Variants in OPCML observed in about 807,000 individuals in gnomAD.
The protein encoded by OPCML is opioid binding protein/cell adhesion molecule like.
Under a neutral mutation model 37.8 loss-of-function variants are expected in OPCML, and 13 were observed. The ratio of observed to expected loss-of-function variants is 0.34; its 90% CI spans 0.22 to 0.55. The LOEUF (loss-of-function observed/expected upper bound fraction) is 0.55. Ranked by LOEUF, OPCML falls within the 20% of genes least tolerant of loss-of-function variation. The pLI is 0.91. For synonymous variants in OPCML, 176 were observed against 168.8 expected (o/e 1.04, Z -0.33); for missense variants, 341 against 435.6 (o/e 0.78, Z 1.93).
intron 2 of OPCML, among the ~76,000 whole-genome samples, chr11:132,681,909 C>T (rs887586932): frequency 6.6e-6 from 1 of 151,580 alleles, no homozygotes; most frequent in African/African-American, 2.4e-5. Context: ...GAGCCGAGAT[C>T]GCGCCACTGC....
intron 1 of OPCML, among the ~76,000 whole-genome samples, chr11:133,386,086 T>C (rs1266253221): frequency 2.0e-5 from 3 of 152,054 alleles, no homozygotes; most frequent in African/African-American, 7.2e-5. Context: ...TGAGCTGAAG[T>C]GTGAGAATGG....
At chr11:132,542,829 A>C (rs540270645) in intron 3 of OPCML, among the ~76,000 whole-genome samples, 2 of 152,206 alleles carry the variant, frequency 1.3e-5, no homozygotes, top group East Asian at 3.9e-4. Flanking sequence ...CCTGCCTGTG[A>C]CTGAACACCC....
chr11:133,507,225 G>A (rs566277517), intron 1 of OPCML, among the ~76,000 whole-genome samples: 1 of 152,340 alleles, frequency 6.6e-6, no homozygotes, highest in African/African-American at 2.4e-5. Context: ...ACTGGACTGA[G>A]AAGACACAGC....
At chr11:132,968,976 A>AT (rs1946278128) in intron 1 of OPCML, among the ~76,000 whole-genome samples, 2 of 151,874 alleles carry the variant, frequency 1.3e-5, no homozygotes, top group Admixed American at 6.6e-5. Flanking sequence ...TTTCACCTTC[A>AT]TTTTTTTAAA....
At chr11:132,852,129 TG>T (rs1315905395) in intron 2 of OPCML, among the ~76,000 whole-genome samples, 1 of 152,164 alleles carries the variant, frequency 6.6e-6, no homozygotes, top group Non-Finnish European at 1.5e-5. Flanking sequence ...AAACAGACCT[TG>T]TTAAAATAAT....
chr11:133,506,809 T>A (rs1052770223), intron 1 of OPCML, among the ~76,000 whole-genome samples: 1 of 152,156 alleles, frequency 6.6e-6, no homozygotes, highest in African/African-American at 2.4e-5. Flanking sequence ...CCATGTGCTG[T>A]CCTGGGGCAG....
At chr11:133,025,682 A>G (rs572862394) in intron 1 of OPCML, among the ~76,000 whole-genome samples, 200 of 148,370 alleles carry the variant, frequency 1.3e-3, no homozygotes, top group African/African-American at 4.7e-3. Flanking sequence ...CAGGCTCCTG[A>G]GTAGTTGAGA....
At chr11:132,590,021 G>A (rs993001130) in intron 3 of OPCML, among the ~76,000 whole-genome samples, 1 of 152,134 alleles carries the variant, frequency 6.6e-6, no homozygotes, top group Non-Finnish European at 1.5e-5. Flanking sequence ...TGACCTAAGT[G>A]AGATTGGTGT....
intron 1 of OPCML, among the ~76,000 whole-genome samples, chr11:132,960,785 C>T (rs910672053): frequency 2.0e-5 from 3 of 152,304 alleles, no homozygotes; most frequent in East Asian, 1.9e-4. Flanking sequence ...ACTGTTTTAC[C>T]GACAATTCCC....
chr11:133,447,904 G>A (rs754168157), intron 1 of OPCML, among the ~76,000 whole-genome samples: 1 of 152,134 alleles, frequency 6.6e-6, no homozygotes, highest in Non-Finnish European at 1.5e-5. Flanking sequence ...TCTTATTGTT[G>A]AGTTATAAGT....
At chr11:132,650,514 C>T (rs1941376555) in intron 3 of OPCML, among the ~76,000 whole-genome samples, 1 of 152,100 alleles carries the variant, frequency 6.6e-6, no homozygotes, top group Non-Finnish European at 1.5e-5. Flanking sequence ...GCTTTATCTG[C>T]ACTAATATAC....
chr11:132,440,952 A>G (rs768256698), intron 4 of OPCML, among the ~76,000 whole-genome samples: 2 of 152,056 alleles, frequency 1.3e-5, no homozygotes, highest in East Asian at 3.9e-4. Context: ...AAGGCAATCA[A>G]TGTTTTAATC....
intron 1 of OPCML, among the ~76,000 whole-genome samples, chr11:133,317,168 G>T (rs1943223707): frequency 6.6e-6 from 1 of 152,214 alleles, no homozygotes; most frequent in Non-Finnish European, 1.5e-5. Flanking sequence ...CTGCACTCCA[G>T]CCTGGGTGAC....
chr11:132,429,506 T>C (rs1221657505), intron 7 of OPCML, among the ~76,000 whole-genome samples: 35 of 152,006 alleles, frequency 2.3e-4, no homozygotes, highest in Non-Finnish European at 1.6e-4. Flanking sequence ...TGACCAGAGA[T>C]TCTAGAGAGT....
chr11:132,668,090 G>C (rs1565760508), intron 2 of OPCML, among the ~76,000 whole-genome samples: 1 of 152,210 alleles, frequency 6.6e-6, no homozygotes, highest in African/African-American at 2.4e-5. Context: ...TGCATTAGAA[G>C]TCTTAATAAA....
intron 2 of OPCML, among the ~76,000 whole-genome samples, chr11:132,842,334 A>AATG (rs759435444): frequency 2.6e-5 from 4 of 152,148 alleles, no homozygotes; most frequent in Non-Finnish European, 5.9e-5. Context: ...ACGCTGATGG[A>AATG]ATGATATCTG....
chr11:133,138,410 T>C (rs1486023201), intron 1 of OPCML, among the ~76,000 whole-genome samples: 1 of 152,216 alleles, frequency 6.6e-6, no homozygotes, highest in Non-Finnish European at 1.5e-5. Context: ...GGTAACCATA[T>C]GGGGAAAGGA....
At chr11:132,705,454 G>A (rs1005227207) in intron 2 of OPCML, among the ~76,000 whole-genome samples, 11 of 151,946 alleles carry the variant, frequency 7.2e-5, no homozygotes, top group African/African-American at 2.7e-4. Context: ...TCAGCTGGGT[G>A]TGGTGTCATG....
Position 132,508,477 on chromosome 11 carries a change from C to T in OPCML, c.505+20584G>A, listed in dbSNP as rs570384474. 2.0e-5 allele frequency among the ~76,000 whole-genome samples: 3 copies of T among 149,844 alleles called. No individual in the cohort carries two copies. In the East Asian group the frequency reaches 5.9e-4, roughly 29 times the overall value. On this transcript the variant is annotated intron_variant, in intron 4 of 7. Transcript: ENST00000524381. ...AATGGATGCCAAAAAAAACATTGGA[C>T]AAAATGGAAGATCTAGTCACACACA... is the stretch of plus-strand genomic sequence containing the variant.
Sources: allele counts gnomAD v4.1 joint callset (sites outside exome capture counted in the v4.1 genomes callset), GRCh38; gene constraint gnomAD v4.1.1; transcripts MANE v1.5; gene names NCBI Gene and HGNC (gene_info 2026-07-23, HGNC 2026-07-21).